The following PDXDC1 variants were observed in gnomAD, a reference collection of about 807,000 sequenced individuals.
The protein encoded by PDXDC1 is pyridoxal dependent decarboxylase domain containing 1.
A neutral mutation model predicts 100.1 loss-of-function variants in PDXDC1; 42 were observed. The ratio of observed to expected loss-of-function variants is 0.42; its 90% confidence interval spans 0.33 to 0.54. The LOEUF is 0.54. PDXDC1 is among the 20% of genes least tolerant of loss of function. PDXDC1 has a pLI of 0.10. For missense variants in PDXDC1, 636 were observed against 979.2 expected, an observed-to-expected ratio of 0.65 and a Z score of 4.68; for synonymous variants, 260 against 371.7, an observed-to-expected ratio of 0.70 and a Z score of 3.46.
chr16:15,077,899 G>C (rs2045533689), intron 16 of PDXDC1, among the ~76,000 whole-genome samples: 1 of 152,150 alleles, frequency 6.6e-6, no homozygotes, highest in Non-Finnish European at 1.5e-5. Context: ...TTTATCAGCA[G>C]TGTGAAAATG....
intron 16 of PDXDC1, chr16:15,055,783 G>A (rs1449261527): frequency 3.6e-6 from 2 of 560,332 alleles, no homozygotes; most frequent in Admixed American, 4.5e-5. Context: ...GGCTCCGGAT[G>A]TGCCAACAGC....
At chr16:14,992,140 C>G (rs1443528405) in intron 1 of PDXDC1, among the ~76,000 whole-genome samples, 1 of 152,278 alleles carries the variant, frequency 6.6e-6, no homozygotes, top group Non-Finnish European at 1.5e-5. Flanking sequence ...GCAGCCGCAA[C>G]AACTGCAAGC....
chr16:15,015,601 C>T (rs2041728712), intron 8 of PDXDC1, among the ~76,000 whole-genome samples: 1 of 152,248 alleles, frequency 6.6e-6, no homozygotes, highest in Non-Finnish European at 1.5e-5. Context: ...CCTGTAATCC[C>T]ACCTACTTGG....
In PDXDC1 at chr16:15,112,122, C is replaced by T. The variant is rs894620008; in HGVS notation, c.1400-26757C>T. Among the ~76,000 whole-genome samples the T allele has an allele frequency of 1.0e-3, 149 of 147,344 alleles. 12 individuals carry two copies. The highest frequency in any genetic ancestry group is 3.5e-3 in the Middle Eastern group (1 of 288). On this transcript the variant is annotated intron_variant, in intron 16 of 16. Transcript: ENST00000535621. ...CATATTATCACAGTATGCTTTTAAT[C>T]TTCTCAGATATTAAGTATTTGTTCT...
chr16:15,074,925 A>T, intron 16 of PDXDC1: 1 of 1,469,026 alleles, frequency 6.8e-7, no homozygotes, highest in Non-Finnish European at 9.3e-7. Flanking sequence ...TTAGTAGGAA[A>T]ACTGTCATAA....
intron 13 of PDXDC1, among the ~76,000 whole-genome samples, chr16:15,023,703 C>G (rs1254263387): frequency 6.6e-6 from 1 of 152,282 alleles, no homozygotes; most frequent in Admixed American, 6.5e-5. Context: ...TGTGGCTACT[C>G]TGCCTTCTGA....
chr16:15,099,194 A>G (rs953178831), intron 16 of PDXDC1, among the ~76,000 whole-genome samples: 4 of 152,108 alleles, frequency 2.6e-5, no homozygotes, highest in Non-Finnish European at 4.4e-5. Context: ...AGGCTGAGGC[A>G]GGTGGCTCAC....
At chr16:15,089,316 A>G (rs1356702795) in intron 16 of PDXDC1, among the ~76,000 whole-genome samples, 3 of 152,152 alleles carry the variant, frequency 2.0e-5, no homozygotes, top group Non-Finnish European at 2.9e-5. Flanking sequence ...CGAAAATGAA[A>G]TAAGTCTGGA....
At chr16:15,090,982 T>C (rs2046111096) in intron 16 of PDXDC1, among the ~76,000 whole-genome samples, 3 of 152,022 alleles carry the variant, frequency 2.0e-5, no homozygotes, top group Admixed American at 1.3e-4. Context: ...AGAGCAGGGT[T>C]TCCCAGCCTC....
chr16:15,132,585 C>A, intron 16 of PDXDC1: 1 of 712,410 alleles, frequency 1.4e-6, no homozygotes, highest in Non-Finnish European at 2.4e-6. Context: ...AGGTCAGAGA[C>A]CGAGGAACGC....
chr16:15,050,859 A>G (rs1487585495), intron 16 of PDXDC1, among the ~76,000 whole-genome samples: 1 of 152,234 alleles, frequency 6.6e-6, no homozygotes, highest in African/African-American at 2.4e-5. Flanking sequence ...TATCAATGAA[A>G]ATGAGACAAG....
rs543655224 is a variant in PDXDC1, at chr16:15,135,392, C to T, written c.1400-3487C>T. The T allele has an allele frequency of 6.5e-4, 971 of 1,502,562 alleles. 10 individuals are homozygous for T. The African/African-American group carries it at 0.01, about 16-fold the overall frequency. The allele number at this position is 1,502,562 out of a possible 1,614,324, so 93.1% of individuals were successfully genotyped here. On this transcript the variant is annotated intron_variant, in intron 16 of 16. Coordinates refer to the PDXDC1 transcript ENST00000535621. ...TGGAATGGTGACCGTGCTGCTCCCG[C>T]GGGGCCCAAAGTTCAGCGCACACCC...
chr16:15,088,432 C>T (rs2045992995), intron 16 of PDXDC1, among the ~76,000 whole-genome samples: 1 of 152,170 alleles, frequency 6.6e-6, no homozygotes. Flanking sequence ...GGGCCCATTA[C>T]ACTCCAGCCC....
At chr16:15,130,360 A>C in intron 16 of PDXDC1, 3 of 1,564,168 alleles carry the variant, frequency 1.9e-6, no homozygotes, top group Non-Finnish European at 2.6e-6. Flanking sequence ...AAGTACTGGC[A>C]CAGGGACGTG....
chr16:15,124,459 C>A (rs1297913197), intron 16 of PDXDC1, among the ~76,000 whole-genome samples: 7 of 152,020 alleles, frequency 4.6e-5, no homozygotes, highest in African/African-American at 1.7e-4. Context: ...AGAAAAACAA[C>A]CCTAAGAAAC....
chr16:15,095,861 G>GGTGTGTGTGTGTGTGTGTGT (rs113527217), intron 16 of PDXDC1, among the ~76,000 whole-genome samples: 3 of 134,358 alleles, frequency 2.2e-5, no homozygotes, highest in Admixed American at 7.6e-5. Context: ...AAAAAAAAAA[G>GGTGTGTGTGTGTGTGTGTGT]GTGTGTGTGT....
intron 16 of PDXDC1, among the ~76,000 whole-genome samples, chr16:15,128,714 C>T (rs1302734512): frequency 6.6e-6 from 1 of 152,162 alleles, no homozygotes; most frequent in Non-Finnish European, 1.5e-5. Context: ...CAACCAGTGA[C>T]CCGCACCACA....
At chr16:14,998,312 G>T (rs1205137043) in intron 2 of PDXDC1, 28 bp from the exon 3 acceptor site, 16 of 1,604,218 alleles carry the variant, frequency 1.0e-5, no homozygotes, top group Non-Finnish European at 1.4e-5. Context: ...TGAAACAAAT[G>T]AACAGCTTTT....
At chr16:15,074,898 T>C (rs2045386052) in intron 16 of PDXDC1, 1 of 1,576,710 alleles carries the variant, frequency 6.3e-7, no homozygotes, top group Non-Finnish European at 8.6e-7. Context: ...CATTAAAAAA[T>C]TCAATGTCAA....
Sources: gnomAD v4.1 joint callset for allele counts (sites outside exome capture counted in the v4.1 genomes callset) on GRCh38, gnomAD v4.1.1 for gene constraint, MANE v1.5 for transcripts, NCBI Gene and HGNC (gene_info 2026-07-23, HGNC 2026-07-21) for gene names.